The following CFAP77 variants were observed in gnomAD, a reference collection of about 807,000 sequenced individuals.
CFAP77 encodes cilia- and flagella-associated protein 77.
In CFAP77, 25 loss-of-function variants were observed where a neutral mutation model predicts 31.1. That is an observed-to-expected ratio of 0.80 (90% CI 0.59 to 1.12). The LOEUF (loss-of-function observed/expected upper bound fraction) is 1.12. Ranked by LOEUF, CFAP77 falls within the 50% of genes most tolerant of loss-of-function variation. The pLI is 0.00. For missense variants in CFAP77, 377 were observed against 397.3 expected, an observed-to-expected ratio of 0.95 and a Z score of 0.44; for synonymous variants, 151 against 159.9, an observed-to-expected ratio of 0.94 and a Z score of 0.42.
chr9:132,416,233 A>G (rs1309180631), intron 1 of CFAP77, among the ~76,000 whole-genome samples: 1 of 151,870 alleles, frequency 6.6e-6, no homozygotes, highest in Non-Finnish European at 1.5e-5. Context: ...GACAAAAACA[A>G]GGGAGGCACA....
intron 5 of CFAP77, among the ~76,000 whole-genome samples, chr9:132,550,271 G>T (rs920825961): frequency 1.3e-5 from 2 of 152,196 alleles, no homozygotes; most frequent in Non-Finnish European, 2.9e-5. Flanking sequence ...TCGGTTTTTT[G>T]TTGAAAATCA....
intron 1 of CFAP77, among the ~76,000 whole-genome samples, chr9:132,467,856 T>C (rs2131732288): frequency 6.6e-6 from 1 of 152,278 alleles, no homozygotes. Context: ...TTGCCAGCAC[T>C]TGTTATTTTC....
In CFAP77 at chr9:132,539,326, T is replaced by A. The variant is rs910322887; in HGVS notation, c.630+1620T>A. ...CAGCACCCTCCCCAAGCCTCTGAGCTGAGGGCTGGGCTGAGTATGCACCCT... is the reference window on the plus strand; with the variant it reads ...CAGCACCCTCCCCAAGCCTCTGAGCAGAGGGCTGGGCTGAGTATGCACCCT... On this transcript the variant is annotated intron_variant, in intron 4 of 5. Transcript: ENST00000393216. The surrounding 1 kb of genome is among the most constrained non-coding windows in gnomAD (Gnocchi z 4.3). Among the ~76,000 whole-genome samples, 1 of 152,166 alleles carries A rather than the reference T, an allele frequency of 6.6e-6. No homozygotes were observed. The highest frequency in any genetic ancestry group is 2.4e-5 in the African/African-American group (1 of 41,446).
rs1829951387 is a variant in CFAP77 at position 132,571,028 on chromosome 9, C to CT, written c.733-1356dup. ...CCCCTCCTTATCTTCCCTCTACCCC[C>CT]TTTTAATATTTCATCCTCTCTCCCC... On this transcript the variant is annotated intron_variant, in intron 5 of 5. Coordinates refer to ENST00000393216, the MANE Select transcript of CFAP77 (RefSeq NM_001282957.2). 2.0e-5 allele frequency among the ~76,000 whole-genome samples: 3 copies of CT among 152,254 alleles called. No homozygotes were observed. The East Asian group carries it at 5.8e-4, about 29-fold the overall frequency.
At chr9:132,446,743 C>CAAA (rs1184310514) in intron 1 of CFAP77, among the ~76,000 whole-genome samples, 7 of 66,034 alleles carry the variant, frequency 1.1e-4, no homozygotes, top group African/African-American at 3.8e-4. Flanking sequence ...TCCTCCGTCT[C>CAAA]AAAAAAAAAA....
rs371692545 is a variant in CFAP77, at chr9:132,503,808, G to C, written c.524+4208G>C. Among the ~76,000 whole-genome samples the C allele has an allele frequency of 1.3e-3, 195 of 152,250 alleles. 1 individual carries two copies. Among genetic ancestry groups the C allele is most frequent in the African/African-American group, 4.4e-3 (184 of 41,550 alleles). ...TCACGCCTGTAATCCCAGCAGTTTGGGAGGCTGAGGTGAGTGGATCATCTG... is the reference window on the plus strand; with the variant it reads ...TCACGCCTGTAATCCCAGCAGTTTGCGAGGCTGAGGTGAGTGGATCATCTG... On this transcript the variant is annotated intron_variant, in intron 3 of 5. Transcript: ENST00000393216.
At chr9:132,485,809 A>G (rs1450049659) in intron 1 of CFAP77, among the ~76,000 whole-genome samples, 2 of 151,142 alleles carry the variant, frequency 1.3e-5, no homozygotes, top group East Asian at 1.9e-4. Flanking sequence ...CACTTACTCC[A>G]TGTCCACCAA....
intron 3 of CFAP77, among the ~76,000 whole-genome samples, chr9:132,532,606 C>G (rs993779128): frequency 6.6e-6 from 1 of 152,224 alleles, no homozygotes; most frequent in African/African-American, 2.4e-5. Context: ...GTGAGAGGCT[C>G]GAGGTCTGCC....
intron 5 of CFAP77, among the ~76,000 whole-genome samples, chr9:132,546,801 G>A (rs77778949): frequency 0.028 from 4,221 of 152,328 alleles, 117 homozygotes; most frequent in African/African-American, 0.066. Flanking sequence ...CTGGCGAGGG[G>A]CCCTCCTACC....
intron 3 of CFAP77, among the ~76,000 whole-genome samples, chr9:132,529,879 C>T (rs1039578379): frequency 9.2e-5 from 14 of 151,926 alleles, no homozygotes; most frequent in African/African-American, 2.4e-4. Flanking sequence ...AACAGTTTTC[C>T]GGAGTGGCTG....
rs1330537354 is a variant in CFAP77 at position 132,497,408 on chromosome 9, T to TC, written c.196-1284dup. Among the ~76,000 whole-genome samples the TC allele has an allele frequency of 6.6e-6, 1 of 152,104 alleles. No homozygotes were observed. Among genetic ancestry groups the TC allele is most frequent in the African/African-American group, 2.4e-5 (1 of 41,418 alleles). ...CTTTGGCGCAGCCAGAGTGGAGAGA[T>TC]CCCGGGAAATGTAACACCCTGTGAC... On this transcript the variant is annotated intron_variant, in intron 1 of 5. Transcript: ENST00000393216. This position sits in a 1 kb window ranked among gnomAD's most constrained non-coding sequence, Gnocchi z 4.9.
At position 132,414,521 on chromosome 9, in the gene CFAP77, AC is replaced by A. The variant is rs1850064066; in HGVS notation, c.195+4056del. On this transcript the variant is annotated intron_variant, in intron 1 of 5. Transcript: ENST00000393216. ...TATTCACACACACACACACACACAC[AC>A]ACACACACACACACACACGCAGGTA... Among the ~76,000 whole-genome samples the A allele has an allele frequency of 2.0e-5, 3 of 151,984 alleles. No individual in the cohort carries two copies. In the South Asian group the frequency reaches 6.2e-4, roughly 32 times the overall value.
At chr9:132,451,153 A>C (rs936558100) in intron 1 of CFAP77, among the ~76,000 whole-genome samples, 5 of 152,068 alleles carry the variant, frequency 3.3e-5, no homozygotes, top group African/African-American at 9.7e-5. Flanking sequence ...CCTGGCCAAC[A>C]TGGTGAAACC....
At chr9:132,448,933 G>A (rs1850773449) in intron 1 of CFAP77, among the ~76,000 whole-genome samples, 1 of 152,110 alleles carries the variant, frequency 6.6e-6, no homozygotes, top group Non-Finnish European at 1.5e-5. Flanking sequence ...GATACACGAA[G>A]AGACCAAGGA....
chr9:132,418,887 T>C (rs1382076435), intron 1 of CFAP77, among the ~76,000 whole-genome samples: 1 of 152,230 alleles, frequency 6.6e-6, no homozygotes, highest in East Asian at 1.9e-4. Flanking sequence ...ATTGATTGAG[T>C]ACACCAGAAA....
At chr9:132,484,697 G>A (rs1851508086) in intron 1 of CFAP77, among the ~76,000 whole-genome samples, 1 of 151,904 alleles carries the variant, frequency 6.6e-6, no homozygotes, top group African/African-American at 2.4e-5. Context: ...GAACACGCAG[G>A]TACATGTGTT....
intron 1 of CFAP77, among the ~76,000 whole-genome samples, chr9:132,446,743 C>CAAAAAA (rs1184310514): frequency 1.5e-5 from 1 of 66,060 alleles, no homozygotes; most frequent in Admixed American, 1.8e-4. Context: ...TCCTCCGTCT[C>CAAAAAA]AAAAAAAAAA....
chr9:132,472,532 G>T (rs1851277879), intron 1 of CFAP77, among the ~76,000 whole-genome samples: 1 of 152,194 alleles, frequency 6.6e-6, no homozygotes, highest in South Asian at 2.1e-4. Flanking sequence ...CGAGGTGGGA[G>T]GATGGATTGA....
In CFAP77 at chr9:132,410,448, G is replaced by C; in HGVS notation, c.177G>C (p.Gln59His). 1 of 1,587,948 alleles carries C rather than the reference G, an allele frequency of 6.3e-7. No individual in the cohort carries two copies. Among genetic ancestry groups the C allele is most frequent in the Middle Eastern group, 1.7e-4 (1 of 5,960 alleles). ...RLGVVRDSMF[Q>H]NPLIVKAELG... Reference sequence around the variant, plus strand: ...GGGTCGTGCGGGACTCCATGTTTCAGAACCCTCTCATCGTCAAGGTGAGCA... The same window carrying C: ...GGGTCGTGCGGGACTCCATGTTTCACAACCCTCTCATCGTCAAGGTGAGCA... The change falls in exon 1 of 6, where the codon CAG (glutamine) becomes CAC (histidine). Residue 59 changes from glutamine to histidine, a missense_variant. Transcript: ENST00000393216.
Sources: allele counts gnomAD v4.1 joint callset (sites outside exome capture counted in the v4.1 genomes callset), GRCh38; gene constraint gnomAD v4.1.1; non-coding constraint Gnocchi (gnomAD v3.1); transcripts MANE v1.5; gene names NCBI Gene and HGNC (gene_info 2026-07-23, HGNC 2026-07-21).